Variants in RAB6A observed in about 807,000 individuals in gnomAD.
The protein encoded by RAB6A is RAB6A, member RAS oncogene family.
Under a neutral mutation model 32.3 loss-of-function variants are expected in RAB6A, and 8 were observed. The observed-to-expected ratio is 0.25, with a 90% CI of 0.15 to 0.45. The LOEUF (loss-of-function observed/expected upper bound fraction) is 0.45, where lower values mean the gene tolerates loss of function less well. Ranked by LOEUF, RAB6A falls within the 20% of genes least tolerant of loss-of-function variation. The pLI is 1.00. For missense variants in RAB6A, 104 were observed against 249.4 expected, an observed-to-expected ratio of 0.42 and a Z score of 3.93; for synonymous variants, 73 against 82.1, an observed-to-expected ratio of 0.89 and a Z score of 0.60.
chr11:73,713,497 G>C (rs558140379), intron 5 of RAB6A, among the ~76,000 whole-genome samples: 61 of 151,974 alleles, frequency 4.0e-4, no homozygotes, highest in African/African-American at 1.3e-3. Context: ...GAACCCGGGA[G>C]GGGGAGCTTG....
At chr11:73,693,920 C>G (rs537323770) in intron 6 of RAB6A, among the ~76,000 whole-genome samples, 1 of 151,970 alleles carries the variant, frequency 6.6e-6, no homozygotes, top group Admixed American at 6.6e-5. Flanking sequence ...TGGCCCTCCC[C>G]CATCCTTATT....
chr11:73,756,831 G>A (rs1313761725), intron 1 of RAB6A, among the ~76,000 whole-genome samples: 20 of 151,064 alleles, frequency 1.3e-4, no homozygotes, highest in South Asian at 4.2e-4. Flanking sequence ...ACGCCACCAC[G>A]CCCAGCTAGT....
At chr11:73,700,621 GGGGA>G (rs1565352838) in intron 6 of RAB6A, among the ~76,000 whole-genome samples, 8 of 120,882 alleles carry the variant, frequency 6.6e-5, no homozygotes, top group Admixed American at 8.7e-5. Context: ...GGGGGGGGGG[GGGGA>G]GGAGGGTAGT....
At position 73,757,899 on chromosome 11, in the gene RAB6A, T is replaced by C. The variant is rs1374696312; in HGVS notation, c.70+2667A>G. On this transcript the variant is annotated intron_variant, in intron 1 of 7. Transcript: ENST00000336083. ...ATGAGCCTGGCTCTACGCTAGGCAA[T>C]GGGGACACACTGAACAAAAAAGAAT... Among the ~76,000 whole-genome samples, 4 of 152,344 alleles carry C rather than the reference T, an allele frequency of 2.6e-5. No individual in the cohort carries two copies. The East Asian group carries it at 7.7e-4, about 29-fold the overall frequency.
chr11:73,696,043 A>G (rs1044979899), intron 6 of RAB6A, among the ~76,000 whole-genome samples: 2 of 152,344 alleles, frequency 1.3e-5, no homozygotes, highest in Admixed American at 1.3e-4. Context: ...AGTAGTTTAT[A>G]GGCAGAAATA....
intron 6 of RAB6A, among the ~76,000 whole-genome samples, chr11:73,700,730 A>G (rs997054532): frequency 1.3e-5 from 2 of 151,922 alleles, no homozygotes; most frequent in African/African-American, 4.8e-5. Flanking sequence ...AATATGCTAT[A>G]TAATACAAAT....
intron 6 of RAB6A, among the ~76,000 whole-genome samples, chr11:73,701,759 C>G (rs1251354056): frequency 1.3e-5 from 2 of 152,012 alleles, no homozygotes; most frequent in Non-Finnish European, 2.9e-5. Flanking sequence ...GCCAAGCAAT[C>G]CACCCAGCTC....
intron 1 of RAB6A, among the ~76,000 whole-genome samples, chr11:73,734,660 A>C (rs1038391855): frequency 6.6e-6 from 1 of 152,170 alleles, no homozygotes; most frequent in African/African-American, 2.4e-5. Context: ...TCACATGCAC[A>C]GTTCACTATA....
At chr11:73,714,208 A>AT (rs55723806) in intron 5 of RAB6A, among the ~76,000 whole-genome samples, 800 of 73,824 alleles carry the variant, frequency 0.011, 2 homozygotes, top group African/African-American at 0.028. Context: ...AAAAAAAAAA[A>AT]AATATATATA....
At chr11:73,683,027 A>G (rs536213516) in intron 6 of RAB6A, among the ~76,000 whole-genome samples, 1 of 152,284 alleles carries the variant, frequency 6.6e-6, no homozygotes, top group African/African-American at 2.4e-5. Flanking sequence ...GAAGGAAAAC[A>G]TATTTTATAG....
In RAB6A at chr11:73,728,194, G is replaced by C. The variant is rs142996123; in HGVS notation, c.129+2571C>G. 4.7e-4 allele frequency among the ~76,000 whole-genome samples: 72 copies of C among 152,218 alleles called. 2 individuals carry two copies. In the East Asian group the frequency reaches 0.013, roughly 28 times the overall value. On this transcript the variant is annotated intron_variant, in intron 2 of 7. Transcript: ENST00000336083. ...AGTTTGTTCTTTGATTTTTGGTATT[G>C]AAACTGTGTAGGTTGTGAGGGCAGA...
At chr11:73,749,314 G>C (rs1946640187) in intron 1 of RAB6A, among the ~76,000 whole-genome samples, 1 of 152,072 alleles carries the variant, frequency 6.6e-6, no homozygotes, top group South Asian at 2.1e-4. Flanking sequence ...TAAGCTATGA[G>C]AACACAAAGG....
At chr11:73,745,133 G>T (rs2135001985) in intron 1 of RAB6A, among the ~76,000 whole-genome samples, 1 of 152,218 alleles carries the variant, frequency 6.6e-6, no homozygotes, top group East Asian at 1.9e-4. Flanking sequence ...GGAAAAATTG[G>T]TAATATAATA....
intron 6 of RAB6A, among the ~76,000 whole-genome samples, chr11:73,706,618 C>G (rs1945849904): frequency 6.6e-6 from 1 of 152,086 alleles, no homozygotes; most frequent in Non-Finnish European, 1.5e-5. Context: ...TCTGGCTGAC[C>G]TATCTTGTAG....
At chr11:73,701,442 C>T (rs549599604) in intron 6 of RAB6A, among the ~76,000 whole-genome samples, 2 of 152,202 alleles carry the variant, frequency 1.3e-5, no homozygotes, top group Admixed American at 1.3e-4. Flanking sequence ...TGAATTGTGA[C>T]TGACCTACAT....
chr11:73,691,030 G>GA (rs889490908), intron 6 of RAB6A, among the ~76,000 whole-genome samples: 1 of 151,856 alleles, frequency 6.6e-6, no homozygotes, highest in Admixed American at 6.6e-5. Flanking sequence ...GGGGTGGGGG[G>GA]GCGATGCTGG....
chr11:73,748,722 G>A (rs1285309557), intron 1 of RAB6A, among the ~76,000 whole-genome samples: 1 of 152,106 alleles, frequency 6.6e-6, no homozygotes, highest in Non-Finnish European at 1.5e-5. Flanking sequence ...CCAAAACACA[G>A]TATTTAGTTA....
chr11:73,717,305 G>C (rs1390137726), intron 4 of RAB6A, among the ~76,000 whole-genome samples: 2 of 152,164 alleles, frequency 1.3e-5, no homozygotes, highest in Non-Finnish European at 2.9e-5. Flanking sequence ...TAGTTCCTTT[G>C]TCTATTTAAG....
At chr11:73,750,512 C>T (rs374064156) in intron 1 of RAB6A, among the ~76,000 whole-genome samples, 2 of 152,062 alleles carry the variant, frequency 1.3e-5, no homozygotes, top group Non-Finnish European at 2.9e-5. Flanking sequence ...TGTGCCACCG[C>T]GCCCAGCAAA....
Sources: gnomAD v4.1 joint callset for allele counts (sites outside exome capture counted in the v4.1 genomes callset) on GRCh38, gnomAD v4.1.1 for gene constraint, MANE v1.5 for transcripts, NCBI Gene and HGNC (gene_info 2026-07-23, HGNC 2026-07-21) for gene names.